Variants in AHNAK observed in about 807,000 individuals in gnomAD.
AHNAK encodes neuroblast differentiation-associated protein AHNAK.
Under a neutral mutation model 37.8 loss-of-function variants are expected in AHNAK, and 23 were observed. The observed-to-expected ratio is 0.61, with a 90% CI of 0.44 to 0.86. AHNAK has a LOEUF of 0.86. Ranked by LOEUF, AHNAK falls within the 40% of genes least tolerant of loss-of-function variation. The pLI is 0.00. For missense variants in AHNAK, 7,411 were observed against 7,319.4 expected, an observed-to-expected ratio of 1.01 and a Z score of -0.46; for synonymous variants, 2,481 against 2,636.3, an observed-to-expected ratio of 0.94 and a Z score of 1.80.
intron 5 of AHNAK, among the ~76,000 whole-genome samples, chr11:62,441,949 AC>A (rs1167254808): frequency 1.5e-4 from 23 of 152,136 alleles, no homozygotes; most frequent in Non-Finnish European, 2.2e-4. Context: ...CAGGGCTGTC[AC>A]CCCCAGCATC....
At chr11:62,505,975 C>T (rs997904287) in intron 4 of AHNAK, among the ~76,000 whole-genome samples, 3 of 145,378 alleles carry the variant, frequency 2.1e-5, no homozygotes, top group Non-Finnish European at 4.5e-5. Context: ...ATCGCTGGAG[C>T]CCAGCCTGGG....
At chr11:62,497,869 C>G (rs1237305230) in intron 4 of AHNAK, among the ~76,000 whole-genome samples, 2 of 151,868 alleles carry the variant, frequency 1.3e-5, no homozygotes, top group Non-Finnish European at 2.9e-5. Context: ...GAGGCTGAGG[C>G]AGGAGAATCG....
At chr11:62,509,018 C>T (rs373582352) in intron 4 of AHNAK, among the ~76,000 whole-genome samples, 11 of 152,292 alleles carry the variant, frequency 7.2e-5, no homozygotes, top group African/African-American at 2.4e-4. Flanking sequence ...AATGGAGAAA[C>T]TTAGCAATCT....
intron 5 of AHNAK, among the ~76,000 whole-genome samples, chr11:62,484,376 A>G (rs1939346264): frequency 6.6e-6 from 1 of 152,082 alleles, no homozygotes; most frequent in South Asian, 2.1e-4. Context: ...ACAGAGTGAG[A>G]CCCTGTCTCT....
chr11:62,493,682 G>T (rs1178945638), intron 4 of AHNAK, among the ~76,000 whole-genome samples: 6 of 151,860 alleles, frequency 4.0e-5, no homozygotes, highest in Non-Finnish European at 4.4e-5. Flanking sequence ...TGTTGACCAG[G>T]CTGGTCTTGA....
chr11:62,516,626 T>G lies in AHNAK; in HGVS notation c.*118A>C, dbSNP rs1590644228. On this transcript the variant is annotated 3_prime_UTR_variant, in exon 5 of 5. Transcript: ENST00000378024. ...GCGCTTGCCACCGGGCCAGGCAAGG[T>G]CTTTGCATGATTGCTGAGGCAGTCG... 6.7e-7 allele frequency: 1 copy of G among 1,498,106 alleles called. No homozygotes were observed. The highest frequency in any genetic ancestry group is 8.8e-7 in the Non-Finnish European group (1 of 1,134,134). 92.8% of individuals were successfully genotyped at this position (1,498,106 alleles called of 1,614,324 possible).
At position 62,517,322 on chromosome 11, in the gene AHNAK, C is replaced by T. The variant is rs750458052; in HGVS notation, c.17095G>A (p.Glu5699Lys). Residue 5699 changes from glutamate to lysine, a missense_variant, in exon 5 of 5, where the codon GAG becomes AAG. Glu to Lys is a moderately conservative substitution (Grantham distance 56, BLOSUM62 1). Transcript: ENST00000378024. Reference protein sequence around the residue: ...ASIQAGAGDGEWEESEVKLKK... With the variant: ...ASIQAGAGDGKWEESEVKLKK... Reference sequence around the variant, plus strand: ...AGTTTGACTTCAGACTCTTCCCACTCGCCGTCTCCAGCACCAGCTTGGATG... The same window carrying T: ...AGTTTGACTTCAGACTCTTCCCACTTGCCGTCTCCAGCACCAGCTTGGATG... The T allele has an allele frequency of 7.2e-5, 116 of 1,614,042 alleles. No homozygotes were observed. The highest frequency in any genetic ancestry group is 9.6e-5 in the Non-Finnish European group (113 of 1,180,050).
At chr11:62,460,291 A>G (rs1467157700) in intron 5 of AHNAK, among the ~76,000 whole-genome samples, 1 of 152,138 alleles carries the variant, frequency 6.6e-6, no homozygotes. Flanking sequence ...TGTCTCAAAA[A>G]TAAACAAACA....
chr11:62,492,333 A>G (rs2134897134), intron 4 of AHNAK, among the ~76,000 whole-genome samples: 1 of 152,142 alleles, frequency 6.6e-6, no homozygotes, highest in South Asian at 2.1e-4. Flanking sequence ...ATTCAGCTCC[A>G]CTCAGAGTTC....
chr11:62,476,499 T>C (rs1217575730), intron 5 of AHNAK, among the ~76,000 whole-genome samples: 2 of 149,374 alleles, frequency 1.3e-5, no homozygotes, highest in Non-Finnish European at 3.0e-5. Context: ...TCAAAGACCC[T>C]CTTAAACCTA....
At chr11:62,452,168 G>A (rs187906399) in intron 5 of AHNAK, among the ~76,000 whole-genome samples, 1 of 152,284 alleles carries the variant, frequency 6.6e-6, no homozygotes, top group East Asian at 1.9e-4. Context: ...CCCAAAGAGA[G>A]TAATGACAAT....
rs1376247323 is a variant in AHNAK, at chr11:62,523,472, C to T, written c.10945G>A (p.Gly3649Ser). 3.1e-6 allele frequency: 5 copies of T among 1,613,470 alleles called. No homozygotes were observed. In the Middle Eastern group the frequency reaches 5.0e-4, roughly 160 times the overall value. Residue 3649 changes from glycine to serine, a missense_variant, in exon 5 of 5, where the codon GGT (glycine) becomes AGT (serine). By Grantham distance (56) the Gly-to-Ser change is moderately conservative. Coordinates refer to ENST00000378024, the MANE Select transcript of AHNAK (RefSeq NM_001620.3). ...DVDVPDVNIEGPDAKLKGPKF... is the reference protein window; with the variant it reads ...DVDVPDVNIESPDAKLKGPKF... ...GGGCCCTTCAGCTTTGCATCTGGAC[C>T]TTCAATATTCACGTCTGGAACATCA... is the stretch of plus-strand genomic sequence containing the variant.
Position 62,516,581 on chromosome 11 carries a change from T to C in AHNAK, c.*163A>G. 1.4e-6 allele frequency: 2 copies of C among 1,468,546 alleles called. No individual in the cohort carries two copies. Among genetic ancestry groups the C allele is most frequent in the Non-Finnish European group, 1.8e-6 (2 of 1,121,156 alleles). 91.0% of individuals were successfully genotyped at this position (1,468,546 alleles called of 1,614,324 possible). On this transcript the variant is annotated 3_prime_UTR_variant, in exon 5 of 5. Coordinates refer to ENST00000378024, the MANE Select transcript of AHNAK (RefSeq NM_001620.3). ...ACCTATCTGTATAGTTCCAGGAGCCTACAGGCGGTCGGTTTTTCAGCGCTT... is the reference window on the plus strand; with the variant it reads ...ACCTATCTGTATAGTTCCAGGAGCCCACAGGCGGTCGGTTTTTCAGCGCTT...
chr11:62,535,301 A>G, intron 3 of AHNAK, 111 bp from the exon 4 acceptor site: 6 of 983,146 alleles, frequency 6.1e-6, no homozygotes, highest in Non-Finnish European at 9.1e-6. Context: ...CCACCCTGCA[A>G]GGTGGGCATG....
At chr11:62,495,719 C>A (rs1249600965) in intron 4 of AHNAK, among the ~76,000 whole-genome samples, 3 of 130,856 alleles carry the variant, frequency 2.3e-5, no homozygotes, top group African/African-American at 5.6e-5. Context: ...AGCATGGGGA[C>A]AGAGCGAGAC....
chr11:62,525,914 T>C lies in AHNAK; in HGVS notation c.8503A>G (p.Ile2835Val), dbSNP rs766251641. The C allele has an allele frequency of 1.9e-6, 3 of 1,614,202 alleles. No individual in the cohort carries two copies. Among genetic ancestry groups the C allele is most frequent in the Non-Finnish European group, 2.5e-6 (3 of 1,180,038 alleles). ...TTCAGGTCAATATCTGGCATGGATATCTTTGGAGTCTTAAAATGCATCTCT... is the reference window on the plus strand; with the variant it reads ...TTCAGGTCAATATCTGGCATGGATACCTTTGGAGTCTTAAAATGCATCTCT... ...MPEMHFKTPK[I>V]SMPDIDLNLT... Residue 2835 changes from isoleucine to valine, a missense_variant, in exon 5 of 5, where the codon ATA becomes GTA. By Grantham distance (29) the Ile-to-Val change is conservative. Transcript: ENST00000378024.
At position 62,517,273 on chromosome 11, in the gene AHNAK, G is replaced by C. The variant is rs1489145306; in HGVS notation, c.17144C>G (p.Pro5715Arg). The change falls in exon 5 of 5, where the codon CCC (proline) becomes CGC (arginine). Residue 5715 changes from proline to arginine, a missense_variant. Physicochemically the swap from Pro to Arg is moderately radical, Grantham distance 103. Transcript: ENST00000378024. ...TTTAGGTTTGGAAAAATTAAACTTG[G>C]GCATTTTGATCTTGGACTTTTTCAG... is the stretch of plus-strand genomic sequence containing the variant. The part of the protein sequence containing the change: ...VKLKKSKIKM[P>R]KFNFSKPKGK... 1 of 1,613,918 alleles carries C rather than the reference G, an allele frequency of 6.2e-7. No homozygotes were observed. The highest frequency in any genetic ancestry group is 8.5e-7 in the Non-Finnish European group (1 of 1,180,028).
chr11:62,458,460 C>G (rs1938715536), intron 5 of AHNAK, among the ~76,000 whole-genome samples: 1 of 152,090 alleles, frequency 6.6e-6, no homozygotes, highest in Admixed American at 6.6e-5. Flanking sequence ...CTGGAGTGGA[C>G]AGTCACTTTC....
chr11:62,538,331 A>G (rs1401855880), intron 1 of AHNAK, among the ~76,000 whole-genome samples: 2 of 152,204 alleles, frequency 1.3e-5, no homozygotes, highest in Non-Finnish European at 1.5e-5. Context: ...TTATAGGTGC[A>G]AGCATTTAGT....
Sources: gnomAD v4.1 joint callset for allele counts (sites outside exome capture counted in the v4.1 genomes callset) on GRCh38, gnomAD v4.1.1 for gene constraint, MANE v1.5 for transcripts, NCBI Gene and HGNC (gene_info 2026-07-23, HGNC 2026-07-21) for gene names.